Variants in OXR1 observed in about 807,000 individuals in gnomAD.
OXR1 encodes oxidation resistance 1, also known as oxidation resistance protein 1.
A neutral mutation model predicts 104.6 loss-of-function variants in OXR1; 41 were observed. The ratio of observed to expected loss-of-function variants is 0.39; its 90% CI spans 0.31 to 0.51. OXR1 has a LOEUF of 0.51. Ranked by LOEUF, OXR1 falls within the 20% of genes least tolerant of loss-of-function variation. The probability of loss-of-function intolerance (pLI) is 0.77; values close to 1 mark genes in which losing one functional copy is unlikely to be tolerated. For missense variants in OXR1, 955 were observed against 1,031.9 expected (o/e 0.93, Z 1.02); for synonymous variants, 348 against 348.4 (o/e 1.00, Z 0.01).
chr8:106,625,531 G>C (rs1822077241), intron 3 of OXR1, among the ~76,000 whole-genome samples: 1 of 152,080 alleles, frequency 6.6e-6, no homozygotes, highest in South Asian at 2.1e-4. Context: ...TACATTCTCT[G>C]TTTAGCCACA....
intron 3 of OXR1, among the ~76,000 whole-genome samples, chr8:106,646,737 C>G (rs1009327649): frequency 6.6e-6 from 1 of 152,198 alleles, no homozygotes; most frequent in African/African-American, 2.4e-5. Flanking sequence ...CACACACTCT[C>G]TACTGCAACC....
chr8:106,360,271 T>C (rs1001835185), intron 2 of OXR1, among the ~76,000 whole-genome samples: 1 of 152,178 alleles, frequency 6.6e-6, no homozygotes, highest in African/African-American at 2.4e-5. Flanking sequence ...GGGATAAATT[T>C]GAAGGTATTT....
intron 2 of OXR1, among the ~76,000 whole-genome samples, chr8:106,424,231 C>T (rs908537242): frequency 2.0e-5 from 3 of 152,134 alleles, no homozygotes; most frequent in Admixed American, 6.6e-5. Flanking sequence ...AGCCACCACA[C>T]CCAGTCTGAT....
chr8:106,283,298 C>G lies in OXR1; in HGVS notation c.-139+12931C>G, dbSNP rs147926695. Among the ~76,000 whole-genome samples, 232 of 152,294 alleles carry G rather than the reference C, an allele frequency of 1.5e-3. 2 individuals carry two copies. Among genetic ancestry groups the G allele is most frequent in the African/African-American group, 5.4e-3 (224 of 41,566 alleles). On this transcript the variant is annotated intron_variant, in intron 1 of 16. Coordinates refer to ENST00000517566, the MANE Select transcript of OXR1 (RefSeq NM_001198533.2). Reference sequence around the variant, plus strand: ...TACAACCCATTGTAACCTTTCCTATCAGGAGGCCTAGGCTTTAGACCATAC... The same window carrying G: ...TACAACCCATTGTAACCTTTCCTATGAGGAGGCCTAGGCTTTAGACCATAC...
intron 1 of OXR1, among the ~76,000 whole-genome samples, chr8:106,278,925 G>T (rs1023772885): frequency 2.0e-5 from 3 of 152,142 alleles, no homozygotes; most frequent in East Asian, 1.9e-4. Flanking sequence ...AAGTATGTCA[G>T]TGTAGCAATT....
chr8:106,465,135 C>T (rs1821106866), intron 2 of OXR1, among the ~76,000 whole-genome samples: 1 of 151,764 alleles, frequency 6.6e-6, no homozygotes. Flanking sequence ...AATGATTGGC[C>T]ATGGAAAGCC....
intron 3 of OXR1, among the ~76,000 whole-genome samples, chr8:106,599,127 A>G (rs1249980471): frequency 2.0e-5 from 3 of 152,210 alleles, no homozygotes; most frequent in African/African-American, 7.2e-5. Context: ...CTGAAAGGCA[A>G]ATGTGAGGAT....
At chr8:106,572,970 TG>T (rs1258297338) in intron 3 of OXR1, among the ~76,000 whole-genome samples, 2 of 152,130 alleles carry the variant, frequency 1.3e-5, no homozygotes, top group African/African-American at 4.8e-5. Context: ...AGTTCCAGTC[TG>T]AGATCAAAGG....
intron 2 of OXR1, among the ~76,000 whole-genome samples, chr8:106,497,409 G>A (rs1789985): frequency 0.83 from 126,852 of 152,174 alleles, 53,097 homozygotes; most frequent in African/African-American, 0.88. Flanking sequence ...AAATTTTACA[G>A]GCATTCAGCT....
chr8:106,295,005 G>A (rs1399038030), intron 1 of OXR1, among the ~76,000 whole-genome samples: 1 of 152,176 alleles, frequency 6.6e-6, no homozygotes, highest in African/African-American at 2.4e-5. Context: ...TAAACTGGAA[G>A]CAAGTAGAAG....
At chr8:106,618,846 G>A (rs1009927388) in intron 3 of OXR1, among the ~76,000 whole-genome samples, 3 of 151,894 alleles carry the variant, frequency 2.0e-5, no homozygotes, top group African/African-American at 4.8e-5. Context: ...CCAGAAAAAC[G>A]AGGCAAGAAA....
At chr8:106,609,824 G>A (rs973332296) in intron 3 of OXR1, among the ~76,000 whole-genome samples, 1 of 120,352 alleles carries the variant, frequency 8.3e-6, no homozygotes, top group East Asian at 2.5e-4. Context: ...AAGTATATAT[G>A]TGTGTGTGGT....
At chr8:106,516,679 T>C (rs1460923792) in intron 2 of OXR1, among the ~76,000 whole-genome samples, 3 of 152,314 alleles carry the variant, frequency 2.0e-5, no homozygotes, top group African/African-American at 7.2e-5. Flanking sequence ...TGGCACCATA[T>C]ATAATCTTCA....
At chr8:106,716,961 G>T (rs545492484) in intron 11 of OXR1, among the ~76,000 whole-genome samples, 1 of 152,148 alleles carries the variant, frequency 6.6e-6, no homozygotes, top group Admixed American at 6.5e-5. Flanking sequence ...TTAAACTAGG[G>T]TGGATCACGA....
At chr8:106,488,607 G>T (rs200507824) in intron 2 of OXR1, among the ~76,000 whole-genome samples, 1,858 of 151,122 alleles carry the variant, frequency 0.012, 29 homozygotes, top group East Asian at 0.08. Flanking sequence ...TGTATAAGGT[G>T]TAAGGAAGGG....
intron 6 of OXR1, among the ~76,000 whole-genome samples, chr8:106,684,612 A>G (rs1035187665): frequency 3.3e-5 from 5 of 152,198 alleles, no homozygotes; most frequent in African/African-American, 9.6e-5. Flanking sequence ...TTTAAAGAAC[A>G]TATATAATTT....
At chr8:106,695,067 T>G (rs965350152) in intron 7 of OXR1, among the ~76,000 whole-genome samples, 1 of 149,774 alleles carries the variant, frequency 6.7e-6, no homozygotes. Flanking sequence ...AACAGTATAC[T>G]TTTATTTCCC....
intron 3 of OXR1, among the ~76,000 whole-genome samples, chr8:106,551,833 TATATGTGTAC>T (rs2130417363): frequency 6.8e-6 from 1 of 146,320 alleles, no homozygotes; most frequent in African/African-American, 2.5e-5. Flanking sequence ...CACACATATA[TATATGTGTAC>T]ATATATGTGT....
At chr8:106,406,139 G>A (rs1167642243) in intron 2 of OXR1, among the ~76,000 whole-genome samples, 1 of 152,086 alleles carries the variant, frequency 6.6e-6, no homozygotes, top group Non-Finnish European at 1.5e-5. Context: ...TTGTCATAGG[G>A]TGGCTTGGCT....
Sources: gnomAD v4.1 joint callset for allele counts (sites outside exome capture counted in the v4.1 genomes callset) on GRCh38, gnomAD v4.1.1 for gene constraint, MANE v1.5 for transcripts, NCBI Gene and HGNC (gene_info 2026-07-23, HGNC 2026-07-21) for gene names.